The following METTL15 variants were observed in gnomAD, a reference collection of about 807,000 sequenced individuals.
METTL15 encodes 12S rRNA N(4)-cytidine methyltransferase METTL15.
Under a neutral mutation model 38.3 loss-of-function variants are expected in METTL15, and 34 were observed. That is an observed-to-expected ratio of 0.89 (90% CI 0.68 to 1.18). The LOEUF (loss-of-function observed/expected upper bound fraction) is 1.18, where lower values mean the gene tolerates loss of function less well. METTL15 is among the 50% of genes most tolerant of loss of function. METTL15 has a pLI of 0.00. For missense variants in METTL15, 438 were observed against 498.4 expected, an observed-to-expected ratio of 0.88 and a Z score of 1.15; for synonymous variants, 162 against 170.9, an observed-to-expected ratio of 0.95 and a Z score of 0.41.
intron 6 of METTL15, among the ~76,000 whole-genome samples, chr11:28,491,374 C>T (rs1851493440): frequency 6.6e-6 from 1 of 152,054 alleles, no homozygotes; most frequent in South Asian, 2.1e-4. Context: ...AGCTTGAGCA[C>T]AAGAAATAGA....
intron 6 of METTL15, among the ~76,000 whole-genome samples, chr11:28,466,206 A>T (rs1851255493): frequency 6.6e-6 from 1 of 152,218 alleles, no homozygotes; most frequent in Non-Finnish European, 1.5e-5. Context: ...TAGTATCAGA[A>T]GGCAGGATCT....
chr11:28,261,259 A>G (rs1855189138), intron 4 of METTL15: 1 of 152,220 alleles, frequency 6.6e-6, no homozygotes, highest in Non-Finnish European at 1.5e-5. Flanking sequence ...ACAAAACACA[A>G]TTACATTAGA....
chr11:28,413,779 T>C (rs1479997455), intron 5 of METTL15, among the ~76,000 whole-genome samples: 1 of 152,182 alleles, frequency 6.6e-6, no homozygotes, highest in Non-Finnish European at 1.5e-5. Flanking sequence ...CACTCACTAC[T>C]CACTTAGACA....
downstream of METTL15, chr11:28,333,596 TTAAA>T (rs1261075709): frequency 9.9e-5 from 15 of 152,136 alleles, no homozygotes; most frequent in African/African-American, 3.6e-4. Context: ...AGTTCATTAC[TTAAA>T]TAAAATTTAA....
At chr11:28,464,316 A>G (rs1221488761) in intron 6 of METTL15, among the ~76,000 whole-genome samples, 1 of 152,180 alleles carries the variant, frequency 6.6e-6, no homozygotes, top group Non-Finnish European at 1.5e-5. Flanking sequence ...ACTTTTTCTG[A>G]AAAAAGCCAA....
At chr11:28,376,960 T>G (rs1252102301) in intron 5 of METTL15, among the ~76,000 whole-genome samples, 2 of 129,692 alleles carry the variant, frequency 1.5e-5, no homozygotes, top group Non-Finnish European at 3.5e-5. Flanking sequence ...TTGAAAATTC[T>G]TTTCTTTAAG....
At chr11:28,174,494 TATTA>T (rs955046264) in intron 3 of METTL15, among the ~76,000 whole-genome samples, 45 of 152,142 alleles carry the variant, frequency 3.0e-4, no homozygotes, top group African/African-American at 1.0e-3. Context: ...GGGACTCAAA[TATTA>T]ATTCCAGACA....
chr11:28,169,558 T>C (rs974569173), intron 3 of METTL15, among the ~76,000 whole-genome samples: 3 of 152,160 alleles, frequency 2.0e-5, no homozygotes, highest in African/African-American at 7.2e-5. Flanking sequence ...GTGATTTCTG[T>C]TTTGTTTTTG....
At chr11:28,473,536 A>G (rs1333032843) in intron 6 of METTL15, among the ~76,000 whole-genome samples, 1 of 152,136 alleles carries the variant, frequency 6.6e-6, no homozygotes, top group African/African-American at 2.4e-5. Context: ...TTCATGCTGG[A>G]TGTGGATACA....
intron 3 of METTL15, among the ~76,000 whole-genome samples, chr11:28,117,285 A>G (rs1421247639): frequency 0.023 from 3,199 of 141,188 alleles, 197 homozygotes; most frequent in East Asian, 0.17. Flanking sequence ...ATATATATAT[A>G]TATATATATA....
chr11:28,210,967 C>T, intron 3 of METTL15, 95 bp from the exon 4 acceptor site: 1 of 1,301,984 alleles, frequency 7.7e-7, no homozygotes, highest in Non-Finnish European at 1.0e-6. Context: ...ACTGTCAAGT[C>T]TGAAAATCAT....
intron 6 of METTL15, among the ~76,000 whole-genome samples, chr11:28,315,861 G>A (rs7947187): frequency 3.3e-5 from 5 of 152,222 alleles, no homozygotes; most frequent in African/African-American, 9.6e-5. Flanking sequence ...GCTTCTATGT[G>A]GTGTTGAGCC....
chr11:28,145,535 T>C (rs1275349789), intron 3 of METTL15: 1 of 152,074 alleles, frequency 6.6e-6, no homozygotes, highest in African/African-American at 2.4e-5. Context: ...GGCTTTGGCC[T>C]GTGGAACACC....
intron 3 of METTL15, among the ~76,000 whole-genome samples, chr11:28,147,041 A>T (rs189757569): frequency 6.6e-6 from 1 of 151,942 alleles, no homozygotes; most frequent in Non-Finnish European, 1.5e-5. Context: ...GGCTTAAGAG[A>T]GCAAGTATGT....
intron 5 of METTL15, among the ~76,000 whole-genome samples, chr11:28,367,718 C>T (rs941566436): frequency 3.3e-5 from 5 of 152,056 alleles, no homozygotes; most frequent in African/African-American, 1.2e-4. Context: ...GCTACAGTAA[C>T]CAAAATAGCA....
chr11:28,373,033 G>C (rs1217662420), intron 5 of METTL15, among the ~76,000 whole-genome samples: 1 of 151,862 alleles, frequency 6.6e-6, no homozygotes, highest in African/African-American at 2.4e-5. Context: ...TGGACATTGG[G>C]GTTGGTTCCA....
At chr11:28,446,129 A>G (rs1851073237) in intron 6 of METTL15, among the ~76,000 whole-genome samples, 1 of 152,180 alleles carries the variant, frequency 6.6e-6, no homozygotes. Context: ...ACCACTGGAC[A>G]TAAAGCAGCT....
At chr11:28,324,839 C>G (rs1026054044) in intron 6 of METTL15, among the ~76,000 whole-genome samples, 1 of 152,140 alleles carries the variant, frequency 6.6e-6, no homozygotes, top group Non-Finnish European at 1.5e-5. Context: ...GTAGAAAGAA[C>G]AATCGGGGCC....
chr11:28,418,886 G>A (rs1442501681), intron 5 of METTL15, among the ~76,000 whole-genome samples: 2 of 152,112 alleles, frequency 1.3e-5, no homozygotes, highest in African/African-American at 4.8e-5. Flanking sequence ...CTAGCCAGAG[G>A]GAAATCACCC....
Sources: allele counts gnomAD v4.1 joint callset (sites outside exome capture counted in the v4.1 genomes callset), GRCh38; gene constraint gnomAD v4.1.1; transcripts MANE v1.5; gene names NCBI Gene and HGNC (gene_info 2026-07-23, HGNC 2026-07-21).